ARHGAP15: variants seen among roughly 807,000 people sequenced by gnomAD.
ARHGAP15 encodes the protein rho GTPase-activating protein 15.
A neutral mutation model predicts 63.7 loss-of-function variants in ARHGAP15; 51 were observed. That is an observed-to-expected ratio of 0.80 (90% CI 0.64 to 1.01). The LOEUF is 1.01. Ranked by LOEUF, ARHGAP15 falls within the 50% of genes least tolerant of loss-of-function variation. The pLI is 0.00. For missense variants in ARHGAP15, 560 were observed against 564.6 expected, an observed-to-expected ratio of 0.99 and a Z score of 0.08; for synonymous variants, 191 against 193.8, an observed-to-expected ratio of 0.99 and a Z score of 0.12.
At chr2:143,736,918 C>G (rs1462580548) in intron 13 of ARHGAP15, among the ~76,000 whole-genome samples, 2 of 152,306 alleles carry the variant, frequency 1.3e-5, no homozygotes, top group South Asian at 2.1e-4. Flanking sequence ...AGAGAAAACA[C>G]TTTAGTAATT....
chr2:143,507,069 A>G (rs1260957538), intron 9 of ARHGAP15, among the ~76,000 whole-genome samples: 1 of 152,190 alleles, frequency 6.6e-6, no homozygotes. Flanking sequence ...AAGAAACTGC[A>G]TTCATCTTTT....
At chr2:143,198,953 C>A (rs1483671500) in intron 2 of ARHGAP15, among the ~76,000 whole-genome samples, 1 of 152,146 alleles carries the variant, frequency 6.6e-6, no homozygotes, top group Non-Finnish European at 1.5e-5. Context: ...CATCTTGGAA[C>A]TCTTCCACTC....
intron 8 of ARHGAP15, among the ~76,000 whole-genome samples, chr2:143,461,069 C>T (rs1018032519): frequency 4.6e-5 from 7 of 151,952 alleles, no homozygotes; most frequent in Admixed American, 2.0e-4. Flanking sequence ...GCAGATGGAT[C>T]GCCTCGGGTC....
intron 6 of ARHGAP15, among the ~76,000 whole-genome samples, chr2:143,360,679 T>A (rs570281996): frequency 2.6e-5 from 4 of 152,140 alleles, no homozygotes; most frequent in Non-Finnish European, 5.9e-5. Context: ...CCTGTATAAT[T>A]ACAGCATTTT....
At chr2:143,134,888 T>G (rs545455643) in intron 1 of ARHGAP15, among the ~76,000 whole-genome samples, 1 of 152,130 alleles carries the variant, frequency 6.6e-6, no homozygotes, top group African/African-American at 2.4e-5. Context: ...CTGCCCACCT[T>G]GACCTCCCAA....
intron 6 of ARHGAP15, among the ~76,000 whole-genome samples, chr2:143,413,401 A>T (rs1468635315): frequency 6.6e-6 from 1 of 152,150 alleles, no homozygotes; most frequent in Non-Finnish European, 1.5e-5. Flanking sequence ...CCTTGGTAGA[A>T]TATAAACGGC....
At chr2:143,468,741 A>C (rs1691370077) in intron 8 of ARHGAP15, among the ~76,000 whole-genome samples, 1 of 151,746 alleles carries the variant, frequency 6.6e-6, no homozygotes, top group Admixed American at 6.6e-5. Flanking sequence ...TGTGGCTGAG[A>C]CTATTTGAAT....
chr2:143,241,785 A>T (rs1693872119), intron 5 of ARHGAP15, among the ~76,000 whole-genome samples: 1 of 152,192 alleles, frequency 6.6e-6, no homozygotes, highest in Non-Finnish European at 1.5e-5. Flanking sequence ...GCCTGAATTA[A>T]GAGCCTGACT....
intron 12 of ARHGAP15, among the ~76,000 whole-genome samples, chr2:143,643,427 AC>A (rs10540732): frequency 3.8e-4 from 49 of 128,440 alleles, no homozygotes; most frequent in African/African-American, 5.8e-4. Flanking sequence ...CCCTCCACCC[AC>A]CCCCCCCCAC....
intron 11 of ARHGAP15, among the ~76,000 whole-genome samples, chr2:143,600,377 C>T (rs544928118): frequency 6.6e-6 from 1 of 152,240 alleles, no homozygotes; most frequent in South Asian, 2.1e-4. Context: ...AAAACTCCCA[C>T]TTGGAATTCC....
chr2:143,599,404 A>G (rs1202639906), intron 11 of ARHGAP15, among the ~76,000 whole-genome samples: 3 of 152,148 alleles, frequency 2.0e-5, no homozygotes, highest in Non-Finnish European at 2.9e-5. Flanking sequence ...TGAACATGTA[A>G]GTTCCTATTA....
chr2:143,706,184 C>A (rs896329189), intron 13 of ARHGAP15, among the ~76,000 whole-genome samples: 1 of 152,086 alleles, frequency 6.6e-6, no homozygotes, highest in Admixed American at 6.6e-5. Flanking sequence ...TCTTGTTAAG[C>A]ATTTTTTTGC....
At chr2:143,300,594 C>G (rs1008183866) in intron 6 of ARHGAP15, among the ~76,000 whole-genome samples, 9 of 152,030 alleles carry the variant, frequency 5.9e-5, no homozygotes, top group African/African-American at 2.2e-4. Flanking sequence ...TGCAGTGATT[C>G]AGGGACCCTG....
intron 11 of ARHGAP15, among the ~76,000 whole-genome samples, chr2:143,613,810 C>T (rs962813672): frequency 6.6e-6 from 1 of 152,162 alleles, no homozygotes; most frequent in Non-Finnish European, 1.5e-5. Context: ...GAGCTTCTTG[C>T]TCATTGTGTC....
chr2:143,722,444 T>C (rs1685101864), intron 13 of ARHGAP15, among the ~76,000 whole-genome samples: 1 of 152,028 alleles, frequency 6.6e-6, no homozygotes, highest in African/African-American at 2.4e-5. Context: ...GCAAAGTACA[T>C]ATACAAGCAG....
intron 2 of ARHGAP15, among the ~76,000 whole-genome samples, chr2:143,177,722 G>A (rs1691063842): frequency 6.6e-6 from 1 of 152,060 alleles, no homozygotes; most frequent in Non-Finnish European, 1.5e-5. Flanking sequence ...TTTTATAAGG[G>A]TGTACAGTGA....
chr2:143,474,842 G>T (rs1023272654), intron 8 of ARHGAP15, among the ~76,000 whole-genome samples: 1 of 152,090 alleles, frequency 6.6e-6, no homozygotes, highest in Admixed American at 6.5e-5. Context: ...ACAGAAAAAA[G>T]CTTGGCAATT....
Position 143,135,504 on chromosome 2 carries a change from A to G in ARHGAP15, c.-15+6038A>G, listed in dbSNP as rs559711112. Among the ~76,000 whole-genome samples, 22 of 152,340 alleles carry G rather than the reference A, an allele frequency of 1.4e-4. No homozygotes were observed. The South Asian group carries it at 4.1e-3, about 29-fold the overall frequency. On this transcript the variant is annotated intron_variant, in intron 1 of 13. Coordinates refer to ENST00000295095, the MANE Select transcript of ARHGAP15 (RefSeq NM_018460.4). ...AAACTGTTTAGTAGGTAAGAGGTAC[A>G]CAAAGATAAGTATCTAAATATCAAT...
chr2:143,493,741 C>A (rs1294725160), intron 9 of ARHGAP15, among the ~76,000 whole-genome samples: 1 of 152,238 alleles, frequency 6.6e-6, no homozygotes, highest in South Asian at 2.1e-4. Flanking sequence ...TCTCCTTCCA[C>A]TGCTCCTCTG....
Sources: gnomAD v4.1 joint callset for allele counts (sites outside exome capture counted in the v4.1 genomes callset) on GRCh38, gnomAD v4.1.1 for gene constraint, MANE v1.5 for transcripts, NCBI Gene and HGNC (gene_info 2026-07-23, HGNC 2026-07-21) for gene names.